Variants in CACNG3 observed in about 807,000 individuals in gnomAD.
CACNG3 encodes calcium voltage-gated channel auxiliary subunit gamma 3.
A neutral mutation model predicts 28.5 loss-of-function variants in CACNG3; 3 were observed. The observed-to-expected ratio is 0.11, with a 90% CI of 0.05 to 0.27. The LOEUF (loss-of-function observed/expected upper bound fraction) is 0.27, where lower values mean the gene tolerates loss of function less well. Among genes scored for constraint, CACNG3 ranks in the 10% least tolerant of loss-of-function variants. The pLI is 1.00. For synonymous variants in CACNG3, 174 were observed against 162.2 expected, an observed-to-expected ratio of 1.07 and a Z score of -0.55; for missense variants, 236 against 414.4, an observed-to-expected ratio of 0.57 and a Z score of 3.74.
intron 1 of CACNG3, among the ~76,000 whole-genome samples, chr16:24,270,929 C>T (rs12930391): frequency 0.016 from 2,406 of 152,176 alleles, 25 homozygotes; most frequent in South Asian, 0.026. Context: ...GATCAGCAAG[C>T]GCAAAGGCTT....
At chr16:24,345,924 C>T (rs922396486) in intron 1 of CACNG3, among the ~76,000 whole-genome samples, 6 of 152,132 alleles carry the variant, frequency 3.9e-5, no homozygotes, top group Non-Finnish European at 2.9e-5. Flanking sequence ...AATGCCGGTT[C>T]TATTTAGGTT....
At chr16:24,355,693 T>C (rs1412608847) in intron 3 of CACNG3, among the ~76,000 whole-genome samples, 1 of 152,232 alleles carries the variant, frequency 6.6e-6, no homozygotes, top group Non-Finnish European at 1.5e-5. Flanking sequence ...CAGCTACTTA[T>C]TGTTCAAGCC....
chr16:24,335,126 A>G (rs1899684593), intron 1 of CACNG3, among the ~76,000 whole-genome samples: 1 of 152,092 alleles, frequency 6.6e-6, no homozygotes, highest in Admixed American at 6.5e-5. Context: ...CCTTCTATAA[A>G]AGTATTTATT....
At chr16:24,292,433 T>A (rs1282831447) in intron 1 of CACNG3, among the ~76,000 whole-genome samples, 1 of 152,212 alleles carries the variant, frequency 6.6e-6, no homozygotes, top group Non-Finnish European at 1.5e-5. Flanking sequence ...ACTGATTCCT[T>A]TTTGACATAA....
rs71943943 is a variant in CACNG3 at position 24,299,938 on chromosome 16, GCA to G, written c.211+42994_211+42995del. On this transcript the variant is annotated intron_variant, in intron 1 of 3. Transcript: ENST00000005284. ...CATGCATGGATGCACACATGCACAC[GCA>G]CACACACACACACACACACATACGA... 5.6e-3 allele frequency among the ~76,000 whole-genome samples: 820 copies of G among 146,788 alleles called. 10 individuals carry two copies. The highest frequency in any genetic ancestry group is 0.04 in the South Asian group (183 of 4,596).
At chr16:24,318,004 CCCCTTCTCTGAGAGGCTT>C (rs1458810771) in intron 1 of CACNG3, among the ~76,000 whole-genome samples, 1 of 152,158 alleles carries the variant, frequency 6.6e-6, no homozygotes, top group African/African-American at 2.4e-5. Context: ...AGCCCAGATG[CCCCTTCTCTGAGAGGCTT>C]CCCTGACCTC....
At chr16:24,270,225 T>G (rs1015030519) in intron 1 of CACNG3, among the ~76,000 whole-genome samples, 1 of 152,240 alleles carries the variant, frequency 6.6e-6, no homozygotes, top group African/African-American at 2.4e-5. Flanking sequence ...CATCACCTCA[T>G]TCTACTGTCA....
intron 1 of CACNG3, among the ~76,000 whole-genome samples, chr16:24,328,611 C>T (rs938033159): frequency 5.9e-5 from 9 of 151,562 alleles, no homozygotes; most frequent in African/African-American, 1.9e-4. Flanking sequence ...TAAATATAAA[C>T]AAGATATTTC....
chr16:24,283,002 G>A (rs1438640164), intron 1 of CACNG3, among the ~76,000 whole-genome samples: 1 of 152,042 alleles, frequency 6.6e-6, no homozygotes, highest in East Asian at 1.9e-4. Flanking sequence ...CCAAGTAGCT[G>A]GGACTACAGG....
At chr16:24,310,551 G>A (rs550082797) in intron 1 of CACNG3, among the ~76,000 whole-genome samples, 2 of 145,860 alleles carry the variant, frequency 1.4e-5, no homozygotes, top group South Asian at 2.2e-4. Flanking sequence ...GTGGCAGAGC[G>A]AGACTCCATC....
intron 1 of CACNG3, among the ~76,000 whole-genome samples, chr16:24,312,955 G>GAAAGAAAGAAAGAA (rs376780380): frequency 1.8e-4 from 20 of 110,886 alleles, no homozygotes; most frequent in Admixed American, 8.6e-4. Flanking sequence ...AAGAAAGAAA[G>GAAAGAAAGAAAGAA]AGAAAGAAAG....
intron 1 of CACNG3, among the ~76,000 whole-genome samples, chr16:24,312,920 G>GAAGAAAGAAAGA (rs374395697): frequency 0.017 from 2,067 of 122,012 alleles, 76 homozygotes; most frequent in African/African-American, 0.057. Flanking sequence ...AGGAAGGAAG[G>GAAGAAAGAAAGA]AAGAAAGAAA....
intron 1 of CACNG3, among the ~76,000 whole-genome samples, chr16:24,286,028 G>A (rs1028013638): frequency 2.0e-5 from 3 of 152,006 alleles, no homozygotes; most frequent in Non-Finnish European, 2.9e-5. Context: ...AGTTTTGGTA[G>A]CGATGGGGTC....
intron 1 of CACNG3, among the ~76,000 whole-genome samples, chr16:24,300,262 T>C (rs989872245): frequency 2.0e-5 from 3 of 152,096 alleles, no homozygotes; most frequent in African/African-American, 7.2e-5. Flanking sequence ...TTACGGCCCA[T>C]AGACCTCATG....
intron 1 of CACNG3, among the ~76,000 whole-genome samples, chr16:24,299,279 T>C (rs1305271237): frequency 2.6e-5 from 4 of 152,262 alleles, no homozygotes; most frequent in Non-Finnish European, 5.9e-5. Context: ...GGTTATAATC[T>C]AATACTGCAT....
At chr16:24,332,369 GT>G (rs142078872) in intron 1 of CACNG3, among the ~76,000 whole-genome samples, 2,075 of 152,014 alleles carry the variant, frequency 0.014, 52 homozygotes, top group African/African-American at 0.045. Context: ...GTAGGCTGCA[GT>G]GGGAGGATCA....
intron 3 of CACNG3, among the ~76,000 whole-genome samples, chr16:24,360,123 C>T (rs1358286562): frequency 6.6e-6 from 1 of 152,144 alleles, no homozygotes; most frequent in African/African-American, 2.4e-5. Context: ...GGGACAACCT[C>T]CATTTAGCAC....
chr16:24,289,780 G>A (rs1413960806), intron 1 of CACNG3, among the ~76,000 whole-genome samples: 2 of 152,232 alleles, frequency 1.3e-5, no homozygotes, highest in African/African-American at 4.8e-5. Context: ...ATTCCTGTGT[G>A]CCTCAGTTTC....
chr16:24,330,669 A>G (rs190311379), intron 1 of CACNG3, among the ~76,000 whole-genome samples: 6 of 152,296 alleles, frequency 3.9e-5, no homozygotes, highest in Non-Finnish European at 8.8e-5. Flanking sequence ...AGTGGACTCA[A>G]TTTTTCCAGG....
Sources: gnomAD v4.1 joint callset for allele counts (sites outside exome capture counted in the v4.1 genomes callset) on GRCh38, gnomAD v4.1.1 for gene constraint, MANE v1.5 for transcripts, NCBI Gene and HGNC (gene_info 2026-07-23, HGNC 2026-07-21) for gene names.